Variants in RGSL1 observed in about 807,000 individuals in gnomAD.
RGSL1 encodes the protein regulator of G protein signaling like 1, also known as regulator of G protein signaling protein-like.
Under a neutral mutation model 124.7 loss-of-function variants are expected in RGSL1, and 97 were observed. The observed-to-expected ratio is 0.78, with a 90% CI of 0.66 to 0.92. The LOEUF (loss-of-function observed/expected upper bound fraction) is 0.92. RGSL1 is among the 40% of genes least tolerant of loss of function. The pLI is 0.00. For synonymous variants in RGSL1, 424 were observed against 438.1 expected, an observed-to-expected ratio of 0.97 and a Z score of 0.40; for missense variants, 1,233 against 1,288.4, an observed-to-expected ratio of 0.96 and a Z score of 0.66.
At chr1:182,470,842 A>C (rs1454660199) in intron 4 of RGSL1, among the ~76,000 whole-genome samples, 1 of 152,182 alleles carries the variant, frequency 6.6e-6, no homozygotes, top group Non-Finnish European at 1.5e-5. Flanking sequence ...CTTTTGGCTC[A>C]CTAGGGAAAG....
At chr1:182,457,095 C>T (rs1385201766) in intron 2 of RGSL1, among the ~76,000 whole-genome samples, 2 of 151,964 alleles carry the variant, frequency 1.3e-5, no homozygotes, top group African/African-American at 2.4e-5. Flanking sequence ...TGCAGTGAGC[C>T]GAGATCATTC....
At chr1:182,452,217 T>G (rs1289108473) in intron 1 of RGSL1, among the ~76,000 whole-genome samples, 1 of 152,122 alleles carries the variant, frequency 6.6e-6, no homozygotes, top group Non-Finnish European at 1.5e-5. Flanking sequence ...CCATAGCTCA[T>G]GTATATTTAA....
chr1:182,465,662 A>G (rs1653254912), intron 4 of RGSL1, among the ~76,000 whole-genome samples: 1 of 152,186 alleles, frequency 6.6e-6, no homozygotes, highest in South Asian at 2.1e-4. Context: ...AGATTAAAAC[A>G]GTAATCTACA....
At chr1:182,514,094 C>T (rs1348358857) in intron 9 of RGSL1, among the ~76,000 whole-genome samples, 1 of 151,994 alleles carries the variant, frequency 6.6e-6, no homozygotes, top group Non-Finnish European at 1.5e-5. Context: ...GGTTTCACCA[C>T]GTTAGCCAGG....
chr1:182,556,825 A>G (rs1229582710), intron 21 of RGSL1, among the ~76,000 whole-genome samples: 2 of 150,694 alleles, frequency 1.3e-5, no homozygotes, highest in Non-Finnish European at 1.5e-5. Flanking sequence ...CTCCTTTGAG[A>G]AAAAAAAAAT....
chr1:182,492,498 C>T (rs1655601960), intron 8 of RGSL1, among the ~76,000 whole-genome samples: 1 of 152,304 alleles, frequency 6.6e-6, no homozygotes, highest in Middle Eastern at 3.4e-3. Context: ...TCAGTTTTCC[C>T]TAAGAAGGAG....
intron 9 of RGSL1, among the ~76,000 whole-genome samples, chr1:182,513,254 G>C (rs987274063): frequency 6.6e-5 from 10 of 152,172 alleles, no homozygotes; most frequent in Admixed American, 2.6e-4. Flanking sequence ...TTGTTTTGGG[G>C]AAAACAGAAG....
At chr1:182,494,439 A>G (rs1298644364) in intron 9 of RGSL1, among the ~76,000 whole-genome samples, 5 of 152,232 alleles carry the variant, frequency 3.3e-5, no homozygotes, top group Non-Finnish European at 2.9e-5. Context: ...TGTGACTGGT[A>G]CATGTGGGTA....
In RGSL1 at chr1:182,548,658, C is replaced by T. The variant is rs571345119; in HGVS notation, c.2809-42C>T. ...GGCCAGGAGAGGTTTTCTGCCTTCC[C>T]GTGGAGCCTCTGCCAGTGACAGGCT... is the stretch of plus-strand genomic sequence containing the variant. On this transcript the variant is annotated intron_variant, in intron 16 of 21. Transcript: ENST00000294854. 3.1e-5 allele frequency: 48 copies of T among 1,548,324 alleles called. 1 individual carries two copies. The Admixed American group carries it at 4.0e-4, about 13-fold the overall frequency.
rs1313861412 is a variant in RGSL1, at chr1:182,485,685, G to A, written c.1432-2600G>A. ...TCACTGCTATTTACTGACAAGTGCA[G>A]AGCCAGTGTCCAGATTCCTGCTCAG... On this transcript the variant is annotated intron_variant, in intron 6 of 21. Coordinates refer to ENST00000294854, the MANE Select transcript of RGSL1 (RefSeq NM_001137669.2). 2.0e-5 allele frequency among the ~76,000 whole-genome samples: 3 copies of A among 152,174 alleles called. No individual in the cohort carries two copies. The East Asian group carries it at 5.8e-4, about 29-fold the overall frequency.
At position 182,511,879 on chromosome 1, in the gene RGSL1, C is replaced by A. The variant is rs530280429; in HGVS notation, c.1826-10125C>A. On this transcript the variant is annotated intron_variant, in intron 9 of 21. Transcript: ENST00000294854. ...TCTTCCAGTCATGAGCATGGAGTAACCTTTCATTTGTGTATATCTTCTTTT... is the reference window on the plus strand; with the variant it reads ...TCTTCCAGTCATGAGCATGGAGTAAACTTTCATTTGTGTATATCTTCTTTT... Among the ~76,000 whole-genome samples the A allele has an allele frequency of 5.3e-5, 8 of 152,172 alleles. No individual in the cohort carries two copies. The South Asian group carries it at 1.2e-3, about 24-fold the overall frequency.
intron 4 of RGSL1, among the ~76,000 whole-genome samples, chr1:182,462,579 T>A (rs1186404463): frequency 3.3e-5 from 5 of 152,232 alleles, no homozygotes; most frequent in Non-Finnish European, 7.3e-5. Flanking sequence ...ATAGTATTAA[T>A]GTAACTTTGG....
intron 9 of RGSL1, among the ~76,000 whole-genome samples, chr1:182,520,862 G>A (rs970211271): frequency 6.6e-6 from 1 of 152,018 alleles, no homozygotes; most frequent in Non-Finnish European, 1.5e-5. Flanking sequence ...TCCTGTGTGG[G>A]TACATTCTAT....
At chr1:182,536,255 G>A (rs913517019) in intron 14 of RGSL1, among the ~76,000 whole-genome samples, 3 of 152,102 alleles carry the variant, frequency 2.0e-5, no homozygotes, top group African/African-American at 7.2e-5. Flanking sequence ...ACCCTGCTAT[G>A]AATATTCAAG....
chr1:182,540,384 G>A lies in RGSL1; in HGVS notation c.2632G>A (p.Ala878Thr). 1 of 1,551,016 alleles carries A rather than the reference G, an allele frequency of 6.4e-7. No individual in the cohort carries two copies. The highest frequency in any genetic ancestry group is 8.7e-7 in the Non-Finnish European group (1 of 1,146,630). ...CCACAGGATTATCACTGTCAACTTT[G>A]CGATCAATGATCTATATTTCTTTTC... The part of the protein sequence containing the change: ...FGHRIITVNF[A>T]INDLYFFSEM... The change falls in exon 15 of 22, where the codon GCG becomes ACG. Residue 878 changes from alanine (A) to threonine (T), a missense_variant. Coordinates refer to ENST00000294854, the MANE Select transcript of RGSL1 (RefSeq NM_001137669.2).
At chr1:182,479,405 C>A (rs964173878) in intron 6 of RGSL1, among the ~76,000 whole-genome samples, 22 of 152,098 alleles carry the variant, frequency 1.4e-4, no homozygotes, top group Middle Eastern at 3.4e-3. Context: ...CAGCTTAAAG[C>A]AATTTAAGTT....
chr1:182,558,718 G>A (rs117867361), intron 21 of RGSL1, among the ~76,000 whole-genome samples: 3 of 152,212 alleles, frequency 2.0e-5, no homozygotes, highest in Non-Finnish European at 2.9e-5. Context: ...AGTCCTGCCC[G>A]TTCTTTGAAT....
chr1:182,550,818 G>T (rs1660512980), intron 17 of RGSL1: 4 of 403,652 alleles, frequency 9.9e-6, no homozygotes, highest in Admixed American at 7.9e-5. Context: ...CCAGGCCTCA[G>T]GATAGTAGGC....
chr1:182,450,728 A>C (rs1190929327), intron 1 of RGSL1, among the ~76,000 whole-genome samples: 1 of 152,212 alleles, frequency 6.6e-6, no homozygotes, highest in Non-Finnish European at 1.5e-5. Flanking sequence ...GTAGCTGTGA[A>C]CAACAATCAC....
Sources: allele counts gnomAD v4.1 joint callset (sites outside exome capture counted in the v4.1 genomes callset), GRCh38; gene constraint gnomAD v4.1.1; transcripts MANE v1.5; gene names NCBI Gene and HGNC (gene_info 2026-07-23, HGNC 2026-07-21).